PHACTR1: variants seen among roughly 807,000 people sequenced by gnomAD.
PHACTR1 encodes the protein RPEL repeat containing 1.
PHACTR1 carries 16 observed loss-of-function variants against 69.2 expected under a neutral mutation model. The observed-to-expected ratio is 0.23, with a 90% CI of 0.16 to 0.35. The LOEUF (loss-of-function observed/expected upper bound fraction) is 0.35, where lower values mean the gene tolerates loss of function less well. Among genes scored for constraint, PHACTR1 ranks in the 10% least tolerant of loss-of-function variants. PHACTR1 has a pLI of 1.00. For missense variants in PHACTR1, 510 were observed against 734.7 expected, an observed-to-expected ratio of 0.69 and a Z score of 3.54; for synonymous variants, 312 against 284.5, an observed-to-expected ratio of 1.10 and a Z score of -0.97.
intron 2 of PHACTR1, among the ~76,000 whole-genome samples, chr6:12,718,138 C>T (rs989703213): frequency 3.9e-5 from 6 of 152,154 alleles, no homozygotes; most frequent in Non-Finnish European, 7.4e-5. Flanking sequence ...AGGCAGGTGA[C>T]GATCCTCTAG....
intron 4 of PHACTR1, among the ~76,000 whole-genome samples, chr6:12,822,993 T>A (rs995321634): frequency 2.0e-5 from 3 of 152,154 alleles, no homozygotes; most frequent in African/African-American, 7.2e-5. Flanking sequence ...ATAAAACCCA[T>A]GGAGCCTCAT....
At chr6:12,769,323 A>G (rs968575893) in intron 4 of PHACTR1, among the ~76,000 whole-genome samples, 1 of 152,246 alleles carries the variant, frequency 6.6e-6, no homozygotes, top group African/African-American at 2.4e-5. Context: ...CATCTCATAA[A>G]TATGCACAAT....
At chr6:13,104,558 A>G (rs1217314148) in intron 5 of PHACTR1, among the ~76,000 whole-genome samples, 1 of 152,208 alleles carries the variant, frequency 6.6e-6, no homozygotes, top group Non-Finnish European at 1.5e-5. Context: ...AGAGTCTGAA[A>G]TTTACTTTAA....
At chr6:13,227,726 C>A (rs902742771) in intron 8 of PHACTR1, 90 bp from the exon 9 acceptor site, 1 of 1,497,428 alleles carries the variant, frequency 6.7e-7, no homozygotes, top group Non-Finnish European at 9.1e-7. Flanking sequence ...TCTCTTAGGA[C>A]TGGGCAACTG....
chr6:13,229,919 T>C (rs988748458), intron 9 of PHACTR1, 118 bp from the exon 10 acceptor site: 7 of 1,185,234 alleles, frequency 5.9e-6, no homozygotes, highest in African/African-American at 1.6e-5. Flanking sequence ...TTAACCACTT[T>C]CAGGTGTTAA....
intron 3 of PHACTR1, among the ~76,000 whole-genome samples, chr6:12,746,931 ATTGT>A (rs1312724658): frequency 6.6e-6 from 1 of 152,230 alleles, no homozygotes; most frequent in African/African-American, 2.4e-5. Flanking sequence ...AGTATTTAGA[ATTGT>A]TTATTTCCTT....
At chr6:13,024,919 A>G (rs886129995) in intron 4 of PHACTR1, among the ~76,000 whole-genome samples, 1 of 152,128 alleles carries the variant, frequency 6.6e-6, no homozygotes, top group Non-Finnish European at 1.5e-5. Context: ...GAATACCTGA[A>G]AAGTGTAGTA....
chr6:12,923,997 A>G (rs1452020807), intron 4 of PHACTR1, among the ~76,000 whole-genome samples: 1 of 152,240 alleles, frequency 6.6e-6, no homozygotes, highest in Non-Finnish European at 1.5e-5. Context: ...GTAACATTCT[A>G]AAGTAAACTG....
chr6:12,991,145 G>C (rs1796774817), intron 4 of PHACTR1, among the ~76,000 whole-genome samples: 1 of 152,154 alleles, frequency 6.6e-6, no homozygotes, highest in African/African-American at 2.4e-5. Flanking sequence ...CCTGCCTCCT[G>C]TCCATATCGC....
chr6:13,036,562 G>A (rs1803337408), intron 4 of PHACTR1, among the ~76,000 whole-genome samples: 1 of 152,160 alleles, frequency 6.6e-6, no homozygotes, highest in Admixed American at 6.5e-5. Context: ...TGGCATATGG[G>A]ACAAACTCAT....
chr6:12,829,941 G>A (rs1293357269), intron 4 of PHACTR1, among the ~76,000 whole-genome samples: 1 of 139,952 alleles, frequency 7.1e-6, no homozygotes, highest in African/African-American at 2.8e-5. Flanking sequence ...CTGGGAAACA[G>A]AGCAAGACTC....
At chr6:12,837,871 AT>A (rs1162065156) in intron 4 of PHACTR1, among the ~76,000 whole-genome samples, 15 of 152,324 alleles carry the variant, frequency 9.8e-5, no homozygotes, top group African/African-American at 3.6e-4. Flanking sequence ...AAAACAACAT[AT>A]TTATCACCTC....
At chr6:13,253,821 G>A (rs1774826454) in intron 10 of PHACTR1, among the ~76,000 whole-genome samples, 1 of 152,230 alleles carries the variant, frequency 6.6e-6, no homozygotes. Flanking sequence ...ATTGGGCAGT[G>A]GCAGTGATTA....
Position 12,878,892 on chromosome 6 carries a change from A to G in PHACTR1, c.250+129102A>G, listed in dbSNP as rs551159250. Among the ~76,000 whole-genome samples, 5 of 152,206 alleles carry G rather than the reference A, an allele frequency of 3.3e-5. No individual in the cohort carries two copies. The South Asian group carries it at 1.0e-3, about 32-fold the overall frequency. On this transcript the variant is annotated intron_variant, in intron 4 of 14. Transcript: ENST00000332995. ...AGAGGCGTGAGACAGATTTAGGTGC[A>G]CCCTTTTCAGTGGACTCCTTTGGAA...
intron 5 of PHACTR1, among the ~76,000 whole-genome samples, chr6:13,111,248 A>C (rs547491548): frequency 2.6e-5 from 4 of 152,226 alleles, no homozygotes; most frequent in Non-Finnish European, 2.9e-5. Context: ...GACAGTGTGC[A>C]TGCCACAGTG....
chr6:13,180,146 C>A (rs1762000338), intron 6 of PHACTR1, among the ~76,000 whole-genome samples: 1 of 152,130 alleles, frequency 6.6e-6, no homozygotes, highest in Non-Finnish European at 1.5e-5. Context: ...AAACTTGGCA[C>A]ACAGTAAGAT....
intron 10 of PHACTR1, among the ~76,000 whole-genome samples, chr6:13,231,094 G>GAAA (rs1562037234): frequency 0.051 from 2,905 of 56,502 alleles, 529 homozygotes; most frequent in Middle Eastern, 0.095. Flanking sequence ...GAAGAAGGAA[G>GAAA]GAAGGGAAAA....
At chr6:12,859,794 T>C (rs1171444339) in intron 4 of PHACTR1, among the ~76,000 whole-genome samples, 1 of 152,174 alleles carries the variant, frequency 6.6e-6, no homozygotes, top group African/African-American at 2.4e-5. Flanking sequence ...TTCAACATCA[T>C]TAACTAACAT....
At chr6:12,718,225 T>C (rs554337668) in intron 2 of PHACTR1, 11 of 152,344 alleles carry the variant, frequency 7.2e-5, no homozygotes, top group African/African-American at 2.6e-4. Flanking sequence ...TATGTCAGTG[T>C]GTGTCATAAA....
Sources: gnomAD v4.1 joint callset for allele counts (sites outside exome capture counted in the v4.1 genomes callset) on GRCh38, gnomAD v4.1.1 for gene constraint, MANE v1.5 for transcripts, NCBI Gene and HGNC (gene_info 2026-07-23, HGNC 2026-07-21) for gene names.